CCSER2: variants seen among roughly 807,000 people sequenced by gnomAD.
CCSER2 encodes serine-rich coiled-coil domain-containing protein 2.
A neutral mutation model predicts 92.3 loss-of-function variants in CCSER2; 46 were observed. The observed-to-expected ratio is 0.50, with a 90% confidence interval of 0.39 to 0.64. The LOEUF is 0.64. CCSER2 is among the 30% of genes least tolerant of loss of function. The pLI is 0.00. For missense variants in CCSER2, 1,244 were observed against 1,238.9 expected (o/e 1.00, Z -0.06); for synonymous variants, 433 against 431.4 (o/e 1.00, Z -0.04).
At chr10:84,447,155 T>G (rs1844974571) in intron 6 of CCSER2, among the ~76,000 whole-genome samples, 1 of 152,206 alleles carries the variant, frequency 6.6e-6, no homozygotes, top group South Asian at 2.1e-4. Context: ...TGGAAATAGT[T>G]TACCCTAGAA....
intron 9 of CCSER2, among the ~76,000 whole-genome samples, chr10:84,494,748 A>G (rs986985850): frequency 3.9e-5 from 6 of 152,204 alleles, no homozygotes; most frequent in Non-Finnish European, 5.9e-5. Flanking sequence ...AAAGCCATTC[A>G]TAACTCTGAG....
intron 7 of CCSER2, among the ~76,000 whole-genome samples, chr10:84,467,568 C>A (rs1846522924): frequency 6.6e-6 from 1 of 152,012 alleles, no homozygotes; most frequent in Admixed American, 6.6e-5. Context: ...AACCAATACC[C>A]CAACATACAG....
chr10:84,400,577 C>T (rs903613981), intron 3 of CCSER2, among the ~76,000 whole-genome samples: 5 of 152,124 alleles, frequency 3.3e-5, no homozygotes, highest in African/African-American at 1.2e-4. Flanking sequence ...TGACTTCATT[C>T]TTTTGCCATT....
At chr10:84,478,155 A>G (rs1847263871) in intron 9 of CCSER2, among the ~76,000 whole-genome samples, 1 of 152,248 alleles carries the variant, frequency 6.6e-6, no homozygotes, top group South Asian at 2.1e-4. Context: ...TGTTTTAGGC[A>G]GAACTAGGGA....
At chr10:84,347,133 T>G (rs1398113225) in intron 1 of CCSER2, among the ~76,000 whole-genome samples, 5 of 152,216 alleles carry the variant, frequency 3.3e-5, no homozygotes, top group Non-Finnish European at 7.3e-5. Flanking sequence ...CAAGGCAGAA[T>G]AATTTTTCTT....
At chr10:84,344,007 TC>T (rs903094753) in intron 1 of CCSER2, among the ~76,000 whole-genome samples, 2 of 152,226 alleles carry the variant, frequency 1.3e-5, no homozygotes, top group African/African-American at 4.8e-5. Flanking sequence ...TGTGTCATGT[TC>T]CTGGAAGATA....
At chr10:84,369,702 G>C (rs1845965721) in intron 1 of CCSER2, among the ~76,000 whole-genome samples, 1 of 151,914 alleles carries the variant, frequency 6.6e-6, no homozygotes, top group African/African-American at 2.4e-5. Flanking sequence ...TGCTTTTTGT[G>C]TCTTAGTCGT....
chr10:84,460,087 A>ATTTT (rs34335757), intron 6 of CCSER2, among the ~76,000 whole-genome samples: 1,885 of 103,210 alleles, frequency 0.018, 109 homozygotes, highest in African/African-American at 0.057. Context: ...TGATTCTTCG[A>ATTTT]TTTTTTTTTT....
chr10:84,342,254 G>A (rs1021081262), intron 1 of CCSER2, among the ~76,000 whole-genome samples: 1 of 152,140 alleles, frequency 6.6e-6, no homozygotes, highest in Non-Finnish European at 1.5e-5. Context: ...AGGAACCAGG[G>A]GCAGAGACCA....
chr10:84,445,617 A>C lies in CCSER2; in HGVS notation c.2064+6910A>C, dbSNP rs549417610. 2.4e-4 allele frequency among the ~76,000 whole-genome samples: 36 copies of C among 152,362 alleles called. 1 individual carries two copies. In the South Asian group the frequency reaches 6.6e-3, roughly 28 times the overall value. On this transcript the variant is annotated intron_variant, in intron 6 of 9. Transcript: ENST00000372088. ...GCAAGAAATGAAACATTACCAGAAC[A>C]GAATCCTCTGCTTGCCCATTCTCAT...
intron 1 of CCSER2, among the ~76,000 whole-genome samples, chr10:84,341,439 C>T (rs903405578): frequency 6.7e-6 from 1 of 149,234 alleles, no homozygotes; most frequent in African/African-American, 2.5e-5. Context: ...TCTGCTTCGA[C>T]CTCTCAAAGT....
At chr10:84,377,447 A>G (rs950865114) in intron 3 of CCSER2, among the ~76,000 whole-genome samples, 1 of 152,186 alleles carries the variant, frequency 6.6e-6, no homozygotes, top group South Asian at 2.1e-4. Flanking sequence ...CATCTTTGTC[A>G]TAAATCAGTG....
intron 9 of CCSER2, among the ~76,000 whole-genome samples, chr10:84,494,704 G>C (rs1355341539): frequency 6.6e-6 from 1 of 152,202 alleles, no homozygotes; most frequent in Non-Finnish European, 1.5e-5. Flanking sequence ...ATTCAAGGTA[G>C]AGTGAAGCGC....
At chr10:84,399,385 A>G (rs1803345866) in intron 3 of CCSER2, among the ~76,000 whole-genome samples, 1 of 152,100 alleles carries the variant, frequency 6.6e-6, no homozygotes, top group Admixed American at 6.5e-5. Flanking sequence ...TGGCTGAGTA[A>G]TATTCCATGG....
intron 4 of CCSER2, among the ~76,000 whole-genome samples, chr10:84,420,813 G>T (rs559050503): frequency 2.6e-5 from 4 of 151,354 alleles, no homozygotes; most frequent in African/African-American, 9.7e-5. Flanking sequence ...CGTGCCTGTA[G>T]TCTCAGTTAC....
chr10:84,358,845 T>C (rs1045695359), intron 1 of CCSER2, among the ~76,000 whole-genome samples: 5 of 152,176 alleles, frequency 3.3e-5, no homozygotes, highest in Non-Finnish European at 5.9e-5. Context: ...CATAAATTCT[T>C]TTTGTAAATA....
intron 9 of CCSER2, among the ~76,000 whole-genome samples, chr10:84,483,935 CCA>C (rs375858428): frequency 1.0e-3 from 141 of 135,366 alleles, no homozygotes; most frequent in African/African-American, 3.6e-3. Flanking sequence ...CAGGTGCATC[CCA>C]CCACACCCGG....
chr10:84,341,528 T>C (rs7076819), intron 1 of CCSER2, among the ~76,000 whole-genome samples: 50,190 of 151,548 alleles, frequency 0.33, 9,816 homozygotes, highest in African/African-American at 0.55. Context: ...ATTGTTTTGC[T>C]GGACACCAAG....
chr10:84,470,379 AT>A lies in CCSER2; in HGVS notation c.2159del (p.Leu720TyrfsTer2). ...EDGDKVYKNE[D>X]LLNEIKQLKD... is the part of the protein sequence containing the mutation. ...GATTTTTTAATATTTCAGAATGAAG[AT>A]TTATTAAATGAAATAAAACAACTTA... On this transcript the variant is annotated frameshift_variant, in exon 8 of 10. Transcript: ENST00000372088. LOFTEE classifies it high-confidence loss of function. 1 of 1,321,150 alleles carries A rather than the reference AT, an allele frequency of 7.6e-7. No homozygotes were observed. The allele number at this position is 1,321,150 out of a possible 1,614,324, so 81.8% of individuals were successfully genotyped here.
Sources: gnomAD v4.1 joint callset for allele counts (sites outside exome capture counted in the v4.1 genomes callset) on GRCh38, gnomAD v4.1.1 for gene constraint, MANE v1.5 for transcripts, NCBI Gene and HGNC (gene_info 2026-07-23, HGNC 2026-07-21) for gene names.